Variants in MYO9B observed in about 807,000 individuals in gnomAD.
MYO9B encodes the protein unconventional myosin-IXb.
In MYO9B, 71 loss-of-function variants were observed where a neutral mutation model predicts 229.5. The observed-to-expected ratio is 0.31, with a 90% CI of 0.26 to 0.38. The LOEUF (loss-of-function observed/expected upper bound fraction) is 0.38. Ranked by LOEUF, MYO9B falls within the 10% of genes least tolerant of loss-of-function variation. MYO9B has a pLI of 1.00. For synonymous variants in MYO9B, 1,185 were observed against 1,235.8 expected, an observed-to-expected ratio of 0.96 and a Z score of 0.86; for missense variants, 2,255 against 2,920.5, an observed-to-expected ratio of 0.77 and a Z score of 5.25.
intron 2 of MYO9B, among the ~76,000 whole-genome samples, chr19:17,106,292 C>T (rs112199899): frequency 1.3e-5 from 2 of 152,248 alleles, no homozygotes; most frequent in African/African-American, 2.4e-5. Flanking sequence ...ACATTATATA[C>T]CCAGACCGCC....
intron 14 of MYO9B, among the ~76,000 whole-genome samples, chr19:17,177,252 G>A (rs1187174381): frequency 6.6e-6 from 1 of 151,660 alleles, no homozygotes; most frequent in African/African-American, 2.4e-5. Context: ...ACACAAGTAA[G>A]GAGAATGCAT....
intron 2 of MYO9B, among the ~76,000 whole-genome samples, chr19:17,134,116 A>C (rs920804480): frequency 1.4e-4 from 21 of 151,868 alleles, no homozygotes; most frequent in Admixed American, 1.3e-3. Flanking sequence ...GTAGTTTGTT[A>C]CAGGGATATA....
Position 17,087,748 on chromosome 19 carries a change from G to C in MYO9B, c.-59+11874G>C, listed in dbSNP as rs562300012. ...AGTTCACGACCAGCCTGACTAATGT[G>C]GTGAAACCCTGTCTCTAGTAAATAC... On this transcript the variant is annotated intron_variant, in intron 1 of 39. Transcript: ENST00000682292. 3.3e-5 allele frequency among the ~76,000 whole-genome samples: 5 copies of C among 152,168 alleles called. No individual in the cohort carries two copies. The South Asian group carries it at 1.0e-3, about 32-fold the overall frequency.
chr19:17,199,573 G>A (rs1206955898), intron 24 of MYO9B, among the ~76,000 whole-genome samples: 1 of 151,750 alleles, frequency 6.6e-6, no homozygotes, highest in Non-Finnish European at 1.5e-5. Context: ...GAGTGCAATG[G>A]CTCAATCTCC....
intron 1 of MYO9B, among the ~76,000 whole-genome samples, chr19:17,097,218 G>A (rs2123510123): frequency 6.6e-6 from 1 of 151,870 alleles, no homozygotes; most frequent in South Asian, 2.1e-4. Context: ...CTACTCAGGA[G>A]GCTGAGGCAG....
intron 2 of MYO9B, among the ~76,000 whole-genome samples, chr19:17,131,430 G>A (rs531722575): frequency 5.1e-4 from 78 of 152,290 alleles, no homozygotes; most frequent in African/African-American, 1.4e-3. Context: ...CACCATGCCC[G>A]GCTAATTTTT....
At chr19:17,098,942 AAAAAAG>A (rs1452064866) in intron 1 of MYO9B, among the ~76,000 whole-genome samples, 11 of 145,746 alleles carry the variant, frequency 7.5e-5, no homozygotes, top group Non-Finnish European at 4.5e-5. Context: ...ACAAAAAAAA[AAAAAAG>A]AAGAAGAAAC....
At chr19:17,091,888 C>G (rs574390007) in intron 1 of MYO9B, among the ~76,000 whole-genome samples, 11 of 152,316 alleles carry the variant, frequency 7.2e-5, no homozygotes, top group Non-Finnish European at 8.8e-5. Flanking sequence ...TCAGCCCCAT[C>G]TCTGAGAGTG....
intron 1 of MYO9B, among the ~76,000 whole-genome samples, chr19:17,080,438 C>T (rs1013865489): frequency 4.6e-5 from 7 of 152,144 alleles, no homozygotes; most frequent in Non-Finnish European, 8.8e-5. Flanking sequence ...CATACATAGC[C>T]GTCTTCCCCT....
intron 1 of MYO9B, among the ~76,000 whole-genome samples, chr19:17,091,379 C>G (rs2057636357): frequency 6.6e-6 from 1 of 152,216 alleles, no homozygotes; most frequent in Non-Finnish European, 1.5e-5. Flanking sequence ...ATGTGCACCA[C>G]CACGCCCAGC....
chr19:17,125,690 T>A (rs1329086222), intron 2 of MYO9B, among the ~76,000 whole-genome samples: 1 of 152,084 alleles, frequency 6.6e-6, no homozygotes, highest in Non-Finnish European at 1.5e-5. Context: ...GTGTCTCTTG[T>A]GAACTGGGAC....
intron 11 of MYO9B, among the ~76,000 whole-genome samples, chr19:17,170,785 T>A (rs1046784359): frequency 2.0e-5 from 3 of 147,970 alleles, no homozygotes; most frequent in Non-Finnish European, 4.5e-5. Flanking sequence ...GATTGTACCA[T>A]TGCATTCTAG....
chr19:17,082,317 A>G (rs1398454302), intron 1 of MYO9B, among the ~76,000 whole-genome samples: 3 of 152,094 alleles, frequency 2.0e-5, no homozygotes, highest in African/African-American at 4.8e-5. Context: ...GGACTCGCTT[A>G]TGGGGGAAGT....
chr19:17,154,247 A>G, intron 5 of MYO9B, 68 bp from the exon 6 acceptor site: 1 of 1,502,328 alleles, frequency 6.7e-7, no homozygotes, highest in East Asian at 2.3e-5. Context: ...GCTCCAGCCA[A>G]AATCACTCTG....
chr19:17,194,832 T>A lies in MYO9B; in HGVS notation c.3405T>A (p.Ala1135=), dbSNP rs1272115711. 2 of 1,612,998 alleles carry A rather than the reference T, an allele frequency of 1.2e-6. No homozygotes were observed. Among genetic ancestry groups the A allele is most frequent in the Non-Finnish European group, 1.7e-6 (2 of 1,179,862 alleles). The change falls in exon 22 of 40, where the codon GCT becomes GCA. Residue 1135 remains alanine, a synonymous_variant. Transcript: ENST00000682292. ...TCCCACCCCAGAAAACCGTGGCGGC[T>A]GAAAGTCACGAGAAAGTCCCCAGCA... is the stretch of plus-strand genomic sequence containing the variant. The part of the protein sequence containing the change: ...KTLPPQKTVA[A]ESHEKVPSSR...
rs368455645 is a variant in MYO9B at position 17,172,894 on chromosome 19, G to T, written c.2071G>T (p.Ala691Ser). ...AVFRWAVLRAAIRAMAVLREA... is the reference protein window; with the variant it reads ...AVFRWAVLRASIRAMAVLREA... Reference sequence around the variant, plus strand: ...GTTCCGCTGGGCCGTGCTCCGGGCTGCTATCCGGGCCATGGCAGTGCTTCG... The same window carrying T: ...GTTCCGCTGGGCCGTGCTCCGGGCTTCTATCCGGGCCATGGCAGTGCTTCG... The change falls in exon 13 of 40, where the codon GCT becomes TCT. Residue 691 changes from alanine (A) to serine (S), a missense_variant. This residue lies in a region of MYO9B where 155 missense variants were observed against 159.1 expected (regional missense o/e 0.97). Coordinates refer to ENST00000682292, the MANE Select transcript of MYO9B (RefSeq NM_004145.4). The surrounding 1 kb of genome is among the most constrained non-coding windows in gnomAD (Gnocchi z 8.2). 3.7e-6 allele frequency: 6 copies of T among 1,602,970 alleles called. No homozygotes were observed. The highest frequency in any genetic ancestry group is 1.7e-4 in the Middle Eastern group (1 of 6,060).
chr19:17,159,503 C>T lies in MYO9B; in HGVS notation c.1419+19C>T, dbSNP rs1339831709. The T allele has an allele frequency of 1.3e-6, 2 of 1,596,016 alleles. No homozygotes were observed. Among genetic ancestry groups the T allele is most frequent in the Middle Eastern group, 1.7e-4 (1 of 6,034 alleles). On this transcript the variant is annotated intron_variant, in intron 8 of 39. Transcript: ENST00000682292. ...CAGCGAGGTGAGCTCTGCCCAGGCA[C>T]TCACAGGGTGCCAGATCCCAAAAAC...
chr19:17,141,280 C>A (rs2072335918), intron 2 of MYO9B, among the ~76,000 whole-genome samples: 1 of 152,126 alleles, frequency 6.6e-6, no homozygotes, highest in South Asian at 2.1e-4. Flanking sequence ...TACAATGGGA[C>A]CTTGGCAATG....
intron 2 of MYO9B, among the ~76,000 whole-genome samples, chr19:17,140,405 C>CTAATCCCA (rs1332593074): frequency 6.6e-6 from 1 of 152,030 alleles, no homozygotes. Context: ...TATAAGGGCA[C>CTAATCCCA]TAATCCCATT....
Sources: gnomAD v4.1 joint callset for allele counts (sites outside exome capture counted in the v4.1 genomes callset) on GRCh38, gnomAD v4.1.1 for gene constraint, gnomAD v4.1.1 regional missense constraint, Gnocchi (gnomAD v3.1) non-coding constraint, MANE v1.5 for transcripts, NCBI Gene and HGNC (gene_info 2026-07-23, HGNC 2026-07-21) for gene names.